The following ZFAND3 variants were observed in gnomAD, a reference collection of about 807,000 sequenced individuals.
The protein encoded by ZFAND3 is AN1-type zinc finger protein 3.
A neutral mutation model predicts 29.6 loss-of-function variants in ZFAND3; 10 were observed. That is an observed-to-expected ratio of 0.34 (90% CI 0.21 to 0.57). ZFAND3 has a LOEUF of 0.57. ZFAND3 is among the 20% of genes least tolerant of loss of function. The pLI is 0.86. For missense variants in ZFAND3, 230 were observed against 304.5 expected (o/e 0.76, Z 1.82); for synonymous variants, 128 against 112.6 (o/e 1.14, Z -0.87).
intron 1 of ZFAND3, among the ~76,000 whole-genome samples, chr6:37,835,517 C>A (rs1763951341): frequency 6.7e-6 from 1 of 148,522 alleles, no homozygotes; most frequent in Non-Finnish European, 1.5e-5. Context: ...TTTTAGATAG[C>A]ATGTACATGT....
intron 1 of ZFAND3, among the ~76,000 whole-genome samples, chr6:37,879,239 A>G (rs1764847714): frequency 6.6e-6 from 1 of 152,190 alleles, no homozygotes; most frequent in Non-Finnish European, 1.5e-5. Flanking sequence ...CTATCTTTGT[A>G]TGTGATGGGA....
chr6:38,096,325 A>G (rs991556292), intron 4 of ZFAND3, among the ~76,000 whole-genome samples: 2 of 152,074 alleles, frequency 1.3e-5, no homozygotes, highest in African/African-American at 4.8e-5. Context: ...GGCACCTGCC[A>G]CCACATCGGG....
chr6:38,141,186 G>A (rs995550038), intron 5 of ZFAND3, among the ~76,000 whole-genome samples: 1 of 152,232 alleles, frequency 6.6e-6, no homozygotes, highest in African/African-American at 2.4e-5. Context: ...TAAAACAAGT[G>A]CATGTGATGC....
chr6:38,069,001 C>T (rs970421855), intron 3 of ZFAND3, among the ~76,000 whole-genome samples: 1 of 152,136 alleles, frequency 6.6e-6, no homozygotes, highest in South Asian at 2.1e-4. Context: ...TAGACTGCCC[C>T]GGGTCTTTGA....
At chr6:38,146,843 T>C (rs1292678400) in intron 5 of ZFAND3, among the ~76,000 whole-genome samples, 2 of 152,332 alleles carry the variant, frequency 1.3e-5, no homozygotes, top group Non-Finnish European at 2.9e-5. Flanking sequence ...TCTGTTGAAA[T>C]GTTTTTAAAA....
At chr6:38,046,256 G>A (rs1037382469) in intron 2 of ZFAND3, among the ~76,000 whole-genome samples, 5 of 152,208 alleles carry the variant, frequency 3.3e-5, no homozygotes, top group African/African-American at 1.2e-4. Flanking sequence ...AAGAGTAAGA[G>A]ATAATGGGAG....
intron 1 of ZFAND3, among the ~76,000 whole-genome samples, chr6:37,894,030 G>A (rs1252329737): frequency 6.6e-6 from 1 of 152,090 alleles, no homozygotes; most frequent in East Asian, 1.9e-4. Context: ...CGAGGTGAGT[G>A]GATCCCTTGA....
intron 1 of ZFAND3, among the ~76,000 whole-genome samples, chr6:37,885,470 C>G (rs1451301051): frequency 6.6e-6 from 1 of 152,014 alleles, no homozygotes; most frequent in East Asian, 1.9e-4. Context: ...ATGGTGAAAC[C>G]CCGTTTCTTC....
chr6:37,844,544 G>A (rs1032835601), intron 1 of ZFAND3, among the ~76,000 whole-genome samples: 5 of 151,932 alleles, frequency 3.3e-5, no homozygotes, highest in African/African-American at 1.2e-4. Flanking sequence ...GCCTCCCAAA[G>A]GGCTGAGATA....
chr6:37,895,282 T>A (rs930446534), intron 1 of ZFAND3, among the ~76,000 whole-genome samples: 1 of 151,794 alleles, frequency 6.6e-6, no homozygotes, highest in Non-Finnish European at 1.5e-5. Flanking sequence ...TTTCATCCAG[T>A]GTTTTTATCA....
Position 38,118,765 on chromosome 6 carries a change from A to G in ZFAND3, c.529+2026A>G, listed in dbSNP as rs202158580. On this transcript the variant is annotated intron_variant, in intron 5 of 5. Transcript: ENST00000287218. ...TCTTAGCATCCACCTGAAAAAAAAG[A>G]AAAAAAAAAAAACAGTAATATATGT... 1.9e-3 allele frequency among the ~76,000 whole-genome samples: 53 copies of G among 27,482 alleles called. 1 individual carries two copies. The East Asian group carries it at 0.023, about 12-fold the overall frequency. 18.0% of individuals were successfully genotyped at this position (27,482 alleles called of 152,430 possible). A position where few individuals can be genotyped will look rare whatever the true frequency, so the allele number is the denominator to read the frequency against.
intron 3 of ZFAND3, among the ~76,000 whole-genome samples, chr6:38,077,336 G>C (rs1764574116): frequency 6.6e-6 from 1 of 152,158 alleles, no homozygotes; most frequent in Admixed American, 6.5e-5. Context: ...TACAGATTAT[G>C]ATAGAGTGGA....
At chr6:38,102,147 A>G (rs55786741) in intron 4 of ZFAND3, among the ~76,000 whole-genome samples, 10,365 of 148,072 alleles carry the variant, frequency 0.07, 427 homozygotes, top group Non-Finnish European at 0.088. Context: ...CTCCTCCTTC[A>G]TCTTCTTCTT....
intron 1 of ZFAND3, among the ~76,000 whole-genome samples, chr6:37,829,470 G>C (rs1425900237): frequency 6.6e-6 from 1 of 151,858 alleles, no homozygotes; most frequent in Non-Finnish European, 1.5e-5. Flanking sequence ...AGGAGGTGGA[G>C]GTTGCAGTGA....
intron 1 of ZFAND3, among the ~76,000 whole-genome samples, chr6:37,821,980 C>A (rs1256808146): frequency 6.6e-6 from 1 of 152,204 alleles, no homozygotes; most frequent in Non-Finnish European, 1.5e-5. Context: ...ACTGCAGGTG[C>A]ACACCACTAT....
At chr6:38,070,197 G>C (rs1259347345) in intron 3 of ZFAND3, among the ~76,000 whole-genome samples, 17 of 152,060 alleles carry the variant, frequency 1.1e-4, no homozygotes, top group Admixed American at 9.8e-4. Context: ...GGCTGAGGTG[G>C]GCAGATCACC....
In ZFAND3 at chr6:38,153,801, T is replaced by C; in HGVS notation, c.*1412T>C. On this transcript the variant is annotated 3_prime_UTR_variant, in exon 6 of 6. Transcript: ENST00000287218. Reference sequence around the variant, plus strand: ...GGGTGAGCAGTCCCAGTGGTCCTAGTGCCGCATCAGATCCAGGTGGGTGAG... The same window carrying C: ...GGGTGAGCAGTCCCAGTGGTCCTAGCGCCGCATCAGATCCAGGTGGGTGAG... 1 of 985,468 alleles carries C rather than the reference T, an allele frequency of 1.0e-6. No individual in the cohort carries two copies. The highest frequency in any genetic ancestry group is 1.2e-6 in the Non-Finnish European group (1 of 829,994). The allele number at this position is 985,468 out of a possible 1,614,324, so 61.0% of individuals were successfully genotyped here. A position where few individuals can be genotyped will look rare whatever the true frequency, so the allele number is the denominator to read the frequency against.
chr6:37,914,441 C>T (rs552707238), intron 1 of ZFAND3, among the ~76,000 whole-genome samples: 17 of 152,116 alleles, frequency 1.1e-4, no homozygotes, highest in Admixed American at 9.2e-4. Flanking sequence ...TGTGTTCAAG[C>T]GATTTTCCTG....
chr6:37,996,745 A>G (rs1275237806), intron 2 of ZFAND3, among the ~76,000 whole-genome samples: 2 of 152,146 alleles, frequency 1.3e-5, no homozygotes, highest in African/African-American at 2.4e-5. Context: ...TTCTTTATAT[A>G]TATGCATATT....
Sources: gnomAD v4.1 joint callset for allele counts (sites outside exome capture counted in the v4.1 genomes callset) on GRCh38, gnomAD v4.1.1 for gene constraint, MANE v1.5 for transcripts, NCBI Gene and HGNC (gene_info 2026-07-23, HGNC 2026-07-21) for gene names.